NELFB: variants seen among roughly 807,000 people sequenced by gnomAD.
The protein encoded by NELFB is negative elongation factor complex member B.
A neutral mutation model predicts 60.2 loss-of-function variants in NELFB; 34 were observed. That is an observed-to-expected ratio of 0.56 (90% CI 0.43 to 0.75). The LOEUF (loss-of-function observed/expected upper bound fraction) is 0.75, where lower values mean the gene tolerates loss of function less well. NELFB is among the 30% of genes least tolerant of loss of function. The pLI is 0.00. For missense variants in NELFB, 770 were observed against 831.6 expected (o/e 0.93, Z 0.91); for synonymous variants, 459 against 382.1 (o/e 1.20, Z -2.35).
chr9:137,266,989 C>G lies in NELFB; in HGVS notation c.1285C>G (p.Leu429Val), dbSNP rs753662525. 3.7e-6 allele frequency: 6 copies of G among 1,613,904 alleles called. No individual in the cohort carries two copies. Among genetic ancestry groups the G allele is most frequent in the African/African-American group, 2.7e-5 (2 of 74,932 alleles). ...GTTCCTCCCGATGCTCATGTCCTTC[C>G]TGGTGGATGACTACACTTTCAATGT... Residue 429 changes from leucine (L) to valine (V), a missense_variant, in exon 9 of 13, where the codon CTG (leucine) becomes GTG (valine). Coordinates refer to ENST00000343053, the MANE Select transcript of NELFB (RefSeq NM_015456.5).
chr9:137,256,461 A>G, intron 3 of NELFB, 33 bp downstream of exon 3: 2 of 1,584,316 alleles, frequency 1.3e-6, no homozygotes, highest in Middle Eastern at 2.0e-4. Flanking sequence ...GATGGCGTGG[A>G]CCGTCCGCCC....
Position 137,272,554 on chromosome 9 carries a change from A to T in NELFB, c.1679A>T (p.His560Leu), listed in dbSNP as rs1488549705. The T allele has an allele frequency of 6.2e-7, 1 of 1,612,082 alleles. No homozygotes were observed. The highest frequency in any genetic ancestry group is 8.5e-7 in the Non-Finnish European group (1 of 1,179,594). ...GCGCTGCGGCTCCTCATTCACCTGCACCCCAGGGTGGCCCCGTCTAAGCTG... is the reference window on the plus strand; with the variant it reads ...GCGCTGCGGCTCCTCATTCACCTGCTCCCCAGGGTGGCCCCGTCTAAGCTG... The change falls in exon 12 of 13, where the codon CAC becomes CTC. Residue 560 changes from histidine (H) to leucine (L), a missense_variant. Transcript: ENST00000343053.
At chr9:137,262,168 T>C (rs188355918) in intron 4 of NELFB, among the ~76,000 whole-genome samples, 4 of 152,176 alleles carry the variant, frequency 2.6e-5, no homozygotes, top group Non-Finnish European at 4.4e-5. Flanking sequence ...GTTAGGCCTC[T>C]GGATAACTGC....
chr9:137,258,699 C>T (rs1442507107), intron 4 of NELFB, among the ~76,000 whole-genome samples: 1 of 152,090 alleles, frequency 6.6e-6, no homozygotes, highest in East Asian at 1.9e-4. Context: ...AGGTAATCCG[C>T]CCACCTTGGC....
At chr9:137,265,136 C>T (rs1023352952) in intron 6 of NELFB, among the ~76,000 whole-genome samples, 2 of 148,090 alleles carry the variant, frequency 1.4e-5, no homozygotes, top group Non-Finnish European at 3.0e-5. Flanking sequence ...CCTGCTGTCT[C>T]CGCCTCCCAA....
chr9:137,262,247 G>T (rs577483141), intron 4 of NELFB, among the ~76,000 whole-genome samples: 6 of 152,010 alleles, frequency 3.9e-5, no homozygotes, highest in Admixed American at 1.3e-4. Context: ...AAACTCCCCC[G>T]GGGAAAGGGA....
At chr9:137,264,444 G>A in intron 6 of NELFB, 87 bp downstream of exon 6, 1 of 957,222 alleles carries the variant, frequency 1.0e-6, no homozygotes, top group Admixed American at 2.4e-5. Flanking sequence ...TGGGTAGCAG[G>A]CGTTTATTCC....
At chr9:137,265,795 C>A in intron 6 of NELFB, 82 bp from the exon 7 acceptor site, 2 of 924,496 alleles carry the variant, frequency 2.2e-6, no homozygotes, top group Non-Finnish European at 3.6e-6. Flanking sequence ...TGAATTCAGC[C>A]TAGGCCACCC....
rs565407184 is a variant in NELFB, at chr9:137,261,266, G to C, written c.742-1771G>C. Among the ~76,000 whole-genome samples, 589 of 151,654 alleles carry C rather than the reference G, an allele frequency of 3.9e-3. 2 individuals carry two copies. Among genetic ancestry groups the C allele is most frequent in the East Asian group, 0.017 (86 of 5,160 alleles). On this transcript the variant is annotated intron_variant, in intron 4 of 12. Transcript: ENST00000343053. The stretch of plus-strand genomic sequence containing the variant: ...GAGGCAGGAGAATGGTGTGAACCTG[G>C]GAGGTGGAGCTTGCAGTGAGCTGAG...
At position 137,264,322 on chromosome 9, in the gene NELFB, C is replaced by T. The variant is rs146597494; in HGVS notation, c.1005C>T (p.Leu335=). 9.9e-5 allele frequency: 159 copies of T among 1,600,954 alleles called. 1 individual carries two copies. The highest frequency in any genetic ancestry group is 7.4e-4 in the South Asian group (65 of 88,328). ...GGGCGCGGGAGCTGCAGGGGTTTCTCGATGGCGTCAAGAAGGGCCAGGAGC... is the reference window on the plus strand; with the variant it reads ...GGGCGCGGGAGCTGCAGGGGTTTCTTGATGGCGTCAAGAAGGGCCAGGAGC... Residue 335 remains leucine (L), a synonymous_variant, in exon 6 of 13, where the codon CTC becomes CTT. Transcript: ENST00000343053.
In NELFB at chr9:137,273,075, C is replaced by T. The variant is rs2118993663; in HGVS notation, c.*147C>T. 3 of 913,160 alleles carry T rather than the reference C, an allele frequency of 3.3e-6. No individual in the cohort carries two copies. The highest frequency in any genetic ancestry group is 4.7e-6 in the Non-Finnish European group (3 of 640,954). The allele number at this position is 913,160 out of a possible 1,614,324, so 56.6% of individuals were successfully genotyped here. A position where few individuals can be genotyped will look rare whatever the true frequency, so the allele number is the denominator to read the frequency against. On this transcript the variant is annotated 3_prime_UTR_variant, in exon 13 of 13. Transcript: ENST00000343053. ...GTCCTGCCGTCATGGCCCCCTGCTT[C>T]CTGCTCCTTGGAGCTGGCTCCCGGA...
intron 4 of NELFB, among the ~76,000 whole-genome samples, chr9:137,262,493 A>G (rs1490864558): frequency 2.0e-5 from 3 of 152,256 alleles, no homozygotes; most frequent in Non-Finnish European, 2.9e-5. Context: ...TTTTTCCTAG[A>G]TTATGATTGT....
At chr9:137,258,028 C>T (rs917363359) in intron 4 of NELFB, among the ~76,000 whole-genome samples, 7 of 151,664 alleles carry the variant, frequency 4.6e-5, no homozygotes, top group Middle Eastern at 3.5e-3. Flanking sequence ...TGGTCTTGAA[C>T]TCCTGGGCTG....
intron 10 of NELFB, 129 bp downstream of exon 10, chr9:137,267,475 T>G: frequency 6.2e-6 from 4 of 641,622 alleles, no homozygotes; most frequent in Non-Finnish European, 1.1e-5. Flanking sequence ...CCAACTTTGC[T>G]AGCTTTGTTT....
intron 4 of NELFB, among the ~76,000 whole-genome samples, chr9:137,257,980 A>T (rs868244014): frequency 6.7e-6 from 1 of 148,742 alleles, no homozygotes; most frequent in Non-Finnish European, 1.5e-5. Flanking sequence ...ATATATATAT[A>T]TTTTTGTAGA....
chr9:137,261,682 T>C (rs1830448884), intron 4 of NELFB, among the ~76,000 whole-genome samples: 1 of 147,498 alleles, frequency 6.8e-6, no homozygotes, highest in Admixed American at 6.7e-5. Flanking sequence ...AAAAAATTGA[T>C]TGGGTGTAGG....
rs779152776 is a variant in NELFB at position 137,272,237 on chromosome 9, T to C, written c.1631+15T>C. 6.2e-7 allele frequency: 1 copy of C among 1,613,772 alleles called. No homozygotes were observed. The highest frequency in any genetic ancestry group is 8.5e-7 in the Non-Finnish European group (1 of 1,179,888). On this transcript the variant is annotated intron_variant, in intron 11 of 12. Transcript: ENST00000343053. ...GCCTCTCCAAGGTAGGCCTGCTGGG[T>C]ACCATCCGGCCCGCTCTGTCCTCTC...
chr9:137,266,039 G>C (rs1830514164), intron 7 of NELFB, 60 bp downstream of exon 7: 1 of 1,319,800 alleles, frequency 7.6e-7, no homozygotes, highest in African/African-American at 1.4e-5. Flanking sequence ...TGGCTGCTCT[G>C]GGTGGTCAGG....
Position 137,267,311 on chromosome 9 carries a change from A to G in NELFB, c.1454A>G (p.Asn485Ser), listed in dbSNP as rs1418970664. Residue 485 changes from asparagine to serine, a missense_variant, in exon 10 of 13, where the codon AAC becomes AGC. Transcript: ENST00000343053. ...GTCCTGCACATCACCAAGCAGAGGAACAAGAACGCGCTCCTCCGCCTGCTG... is the reference window on the plus strand; with the variant it reads ...GTCCTGCACATCACCAAGCAGAGGAGCAAGAACGCGCTCCTCCGCCTGCTG... The G allele has an allele frequency of 6.2e-7, 1 of 1,613,248 alleles. No homozygotes were observed. Among genetic ancestry groups the G allele is most frequent in the East Asian group, 2.2e-5 (1 of 44,880 alleles).
Sources: allele counts gnomAD v4.1 joint callset (sites outside exome capture counted in the v4.1 genomes callset), GRCh38; gene constraint gnomAD v4.1.1; transcripts MANE v1.5; gene names NCBI Gene and HGNC (gene_info 2026-07-23, HGNC 2026-07-21).